Variants in AP3B1 observed in about 807,000 individuals in gnomAD.
AP3B1 encodes adaptor related protein complex 3 subunit beta 1.
A neutral mutation model predicts 132.5 loss-of-function variants in AP3B1; 61 were observed. The ratio of observed to expected loss-of-function variants is 0.46; its 90% CI spans 0.37 to 0.57. AP3B1 has a LOEUF of 0.57. Among genes scored for constraint, AP3B1 ranks in the 20% least tolerant of loss-of-function variants. The probability of loss-of-function intolerance (pLI) is 0.00; values close to 1 mark genes in which losing one functional copy is unlikely to be tolerated. For missense variants in AP3B1, 1,120 were observed against 1,289.4 expected, an observed-to-expected ratio of 0.87 and a Z score of 2.01; for synonymous variants, 388 against 438.3, an observed-to-expected ratio of 0.89 and a Z score of 1.43.
At chr5:78,185,820 T>A (rs1473001356) in intron 7 of AP3B1, among the ~76,000 whole-genome samples, 2 of 152,078 alleles carry the variant, frequency 1.3e-5, no homozygotes, top group Non-Finnish European at 2.9e-5. Context: ...CAATGAGCTA[T>A]GATCAAGCCA....
intron 25 of AP3B1, among the ~76,000 whole-genome samples, chr5:78,016,400 GC>G (rs1224594898): frequency 6.6e-6 from 1 of 151,946 alleles, no homozygotes; most frequent in Middle Eastern, 3.2e-3. Flanking sequence ...GAAATTTAGT[GC>G]CCGGGTTAAA....
chr5:78,191,284 G>A (rs1744815363), intron 7 of AP3B1, among the ~76,000 whole-genome samples: 1 of 137,552 alleles, frequency 7.3e-6, no homozygotes, highest in Non-Finnish European at 1.5e-5. Flanking sequence ...GAATTATGCA[G>A]ACAAGACCCA....
At chr5:78,078,487 A>G (rs972153332) in intron 22 of AP3B1, among the ~76,000 whole-genome samples, 1 of 152,224 alleles carries the variant, frequency 6.6e-6, no homozygotes, top group East Asian at 1.9e-4. Flanking sequence ...CATTTTGTAC[A>G]CTAGCTATAT....
rs1341363162 is a variant in AP3B1, at chr5:78,228,377, T to G, written c.280-138A>C. 4.8e-6 allele frequency: 3 copies of G among 630,274 alleles called. No homozygotes were observed. The East Asian group carries it at 8.5e-5, about 18-fold the overall frequency. The allele number at this position is 630,274 out of a possible 1,614,324, so 39.0% of individuals were successfully genotyped here. ...ATGTTAGATTGTAAAATAAAAATAATATTTTGTGGGATAATAAGTACAACA... is the reference window on the plus strand; with the variant it reads ...ATGTTAGATTGTAAAATAAAAATAAGATTTTGTGGGATAATAAGTACAACA... On this transcript the variant is annotated intron_variant, in intron 3 of 26. Coordinates refer to ENST00000255194, the MANE Select transcript of AP3B1 (RefSeq NM_003664.5).
At chr5:78,249,889 T>C (rs563683126) in intron 2 of AP3B1, among the ~76,000 whole-genome samples, 1 of 152,314 alleles carries the variant, frequency 6.6e-6, no homozygotes, top group African/African-American at 2.4e-5. Flanking sequence ...ACAAACTGAA[T>C]AATTTCTAAT....
chr5:78,034,270 T>C, intron 24 of AP3B1, 91 bp downstream of exon 24: 2 of 973,184 alleles, frequency 2.1e-6, no homozygotes, highest in Non-Finnish European at 3.3e-6. Context: ...TGTTTTGTCT[T>C]TCACACACAC....
At chr5:78,234,873 A>G (rs1336501165) in intron 3 of AP3B1, among the ~76,000 whole-genome samples, 1 of 152,218 alleles carries the variant, frequency 6.6e-6, no homozygotes, top group Non-Finnish European at 1.5e-5. Context: ...ATTGAACAGC[A>G]AAGTCTAGAA....
At chr5:78,113,650 A>G (rs1751690909) in intron 19 of AP3B1, 102 bp downstream of exon 19, 6 of 1,329,894 alleles carry the variant, frequency 4.5e-6, no homozygotes, top group Non-Finnish European at 3.2e-6. Context: ...AAAAATACAC[A>G]CTTTTTTTCT....
rs749211055 is a variant in AP3B1, at chr5:78,089,480, T to G, written c.2490A>C (p.Pro830=). The G allele has an allele frequency of 6.2e-7, 1 of 1,612,388 alleles. No individual in the cohort carries two copies. The highest frequency in any genetic ancestry group is 1.7e-5 in the Admixed American group (1 of 60,006). Residue 830 remains proline (P), a synonymous_variant, in exon 22 of 27, where the codon CCA becomes CCC. Coordinates refer to ENST00000255194, the MANE Select transcript of AP3B1 (RefSeq NM_003664.5). The stretch of plus-strand genomic sequence containing the variant: ...AAAGAGCTGGTGTGGGAAGTGCAAC[T>G]GGAGTGGATACTGGGTTAACTGTAA... ...DLDDFNPVST[P]VALPTPALSP... is the part of the protein sequence containing the mutation.
chr5:78,169,971 T>A (rs1225509380), intron 11 of AP3B1, among the ~76,000 whole-genome samples: 1 of 152,134 alleles, frequency 6.6e-6, no homozygotes, highest in Non-Finnish European at 1.5e-5. Flanking sequence ...GTGTTCTCAT[T>A]GTTCACTTCC....
chr5:78,270,204 G>A (rs1426372094), intron 1 of AP3B1, among the ~76,000 whole-genome samples: 2 of 152,028 alleles, frequency 1.3e-5, no homozygotes, highest in Non-Finnish European at 2.9e-5. Context: ...GAGCCACCAC[G>A]CCTGGCCCAT....
At chr5:78,232,023 T>C (rs1011814362) in intron 3 of AP3B1, among the ~76,000 whole-genome samples, 2 of 152,208 alleles carry the variant, frequency 1.3e-5, no homozygotes, top group African/African-American at 4.8e-5. Flanking sequence ...TATTAACCAG[T>C]GACTTTCACT....
chr5:78,184,079 A>G (rs950385708), intron 7 of AP3B1, among the ~76,000 whole-genome samples: 2 of 149,828 alleles, frequency 1.3e-5, no homozygotes, highest in African/African-American at 4.9e-5. Context: ...GAGGCAGGAG[A>G]CTCACTTGAA....
chr5:78,193,099 G>T (rs1015249146), intron 7 of AP3B1, among the ~76,000 whole-genome samples: 1 of 152,256 alleles, frequency 6.6e-6, no homozygotes, highest in East Asian at 1.9e-4. Flanking sequence ...TTTATATTGT[G>T]TTTAAATAAA....
At chr5:78,264,747 T>G (rs1748248504) in intron 2 of AP3B1, among the ~76,000 whole-genome samples, 1 of 152,222 alleles carries the variant, frequency 6.6e-6, no homozygotes, top group Non-Finnish European at 1.5e-5. Flanking sequence ...TCTGGAAAGA[T>G]TTATACAAAA....
chr5:78,173,417 C>G (rs1273872146), intron 11 of AP3B1, among the ~76,000 whole-genome samples: 1 of 152,092 alleles, frequency 6.6e-6, no homozygotes, highest in Non-Finnish European at 1.5e-5. Context: ...TCTCTAAGGG[C>G]TTGCTTTATG....
chr5:78,021,111 CT>C (rs1747076749), intron 24 of AP3B1, among the ~76,000 whole-genome samples: 1 of 151,610 alleles, frequency 6.6e-6, no homozygotes, highest in African/African-American at 2.4e-5. Flanking sequence ...CTTCATGCAG[CT>C]TATAGAGAAG....
At chr5:78,077,106 T>C (rs1474834958) in intron 22 of AP3B1, among the ~76,000 whole-genome samples, 1 of 152,194 alleles carries the variant, frequency 6.6e-6, no homozygotes, top group Non-Finnish European at 1.5e-5. Flanking sequence ...CCAAGAGGCA[T>C]ACAACAACAA....
intron 3 of AP3B1, among the ~76,000 whole-genome samples, chr5:78,229,612 A>G (rs5014700): frequency 0.36 from 54,785 of 150,148 alleles, 10,240 homozygotes; most frequent in African/African-American, 0.44. Flanking sequence ...AGTGGCATGC[A>G]CCTGTAGTCC....
Sources: allele counts gnomAD v4.1 joint callset (sites outside exome capture counted in the v4.1 genomes callset), GRCh38; gene constraint gnomAD v4.1.1; transcripts MANE v1.5; gene names NCBI Gene and HGNC (gene_info 2026-07-23, HGNC 2026-07-21).